ABLIM1: variants seen among roughly 807,000 people sequenced by gnomAD.
ABLIM1 encodes actin binding LIM protein 1.
A neutral mutation model predicts 107.0 loss-of-function variants in ABLIM1; 40 were observed. The observed-to-expected ratio is 0.37, with a 90% CI of 0.29 to 0.49. The LOEUF (loss-of-function observed/expected upper bound fraction) is 0.49, where lower values mean the gene tolerates loss of function less well. Among genes scored for constraint, ABLIM1 ranks in the 20% least tolerant of loss-of-function variants. The pLI, the probability that ABLIM1 is intolerant of heterozygous loss-of-function variation, is 0.97. For missense variants in ABLIM1, 857 were observed against 1,008.5 expected (o/e 0.85, Z 2.04); for synonymous variants, 357 against 357.3 (o/e 1.00, Z 0.01).
chr10:114,634,365 C>A (rs2078370184), intron 1 of ABLIM1, among the ~76,000 whole-genome samples: 2 of 151,356 alleles, frequency 1.3e-5, no homozygotes, highest in Non-Finnish European at 1.5e-5. Context: ...ATCTCCTGAC[C>A]TCGTGATCCG....
intron 8 of ABLIM1, among the ~76,000 whole-genome samples, chr10:114,486,893 T>C (rs539029385): frequency 1.6e-4 from 24 of 152,166 alleles, no homozygotes; most frequent in Middle Eastern, 3.4e-3. Context: ...AGGAAAAATA[T>C]CTCCTGTGCA....
upstream of ABLIM1, among the ~76,000 whole-genome samples, chr10:114,689,408 C>A (rs1022262032): frequency 6.9e-6 from 1 of 145,110 alleles, no homozygotes; most frequent in Non-Finnish European, 1.5e-5. Context: ...GTTGCCCAGG[C>A]TGGAGTGCAG....
At chr10:114,678,803 T>C (rs939818118) in intron 1 of ABLIM1, among the ~76,000 whole-genome samples, 5 of 152,196 alleles carry the variant, frequency 3.3e-5, no homozygotes, top group African/African-American at 9.6e-5. Flanking sequence ...TAGGGTTAGA[T>C]TGTCTTTTTA....
the ABLIM1 span, among the ~76,000 whole-genome samples, chr10:114,781,637 CGT>C: frequency 9.7e-4 from 131 of 135,258 alleles, no homozygotes; most frequent in South Asian, 0.011. Flanking sequence ...TATATATGCA[CGT>C]GTGTGTGTGT....
intron 15 of ABLIM1, 111 bp downstream of exon 15, chr10:114,447,769 T>C (rs2061241351): frequency 1.4e-6 from 2 of 1,468,482 alleles, no homozygotes; most frequent in East Asian, 4.6e-5. Context: ...TTGGTCATAC[T>C]TTTCTTTAAA....
chr10:114,616,941 G>A (rs1488215420), intron 1 of ABLIM1, among the ~76,000 whole-genome samples: 2 of 152,214 alleles, frequency 1.3e-5, no homozygotes, highest in East Asian at 1.9e-4. Flanking sequence ...GGCAACAGGA[G>A]GTTAAGGGAC....
At chr10:114,750,016 TAAATA>T (rs560382987) in intron 1 of ABLIM1, among the ~76,000 whole-genome samples, 329 of 152,274 alleles carry the variant, frequency 2.2e-3, no homozygotes, top group African/African-American at 7.3e-3. Context: ...AACTGTTACA[TAAATA>T]AAATAAAGTA....
At chr10:114,782,381 A>C in the ABLIM1 span, among the ~76,000 whole-genome samples, 1 of 152,156 alleles carries the variant, frequency 6.6e-6, no homozygotes, top group Non-Finnish European at 1.5e-5. Context: ...TGGGTAATTA[A>C]GGGAACACAA....
chr10:114,599,926 A>G (rs928306789), intron 2 of ABLIM1, among the ~76,000 whole-genome samples: 1 of 152,188 alleles, frequency 6.6e-6, no homozygotes. Flanking sequence ...ATGAGAAAAA[A>G]TAAAAATACA....
chr10:114,665,876 C>T (rs1174136039), intron 1 of ABLIM1, among the ~76,000 whole-genome samples: 1 of 152,172 alleles, frequency 6.6e-6, no homozygotes, highest in Admixed American at 6.5e-5. Flanking sequence ...TTGTAAAGAA[C>T]CTAAGCTTCC....
rs188543376 is a variant in ABLIM1 at position 114,529,500 on chromosome 10, G to T, written c.894+15505C>A. On this transcript the variant is annotated intron_variant, in intron 6 of 22. Transcript: ENST00000533213. ...ATTTTATTTATTTAAGCATCTCTAT[G>T]TCTTCTGGGATGGGGTCAAAGAGGA... is the stretch of plus-strand genomic sequence containing the variant. 1.9e-3 allele frequency among the ~76,000 whole-genome samples: 283 copies of T among 152,236 alleles called. 2 individuals carry two copies. The highest frequency in any genetic ancestry group is 6.6e-3 in the African/African-American group (273 of 41,554).
At chr10:114,575,637 C>G (rs1332984384) in intron 2 of ABLIM1, 38 bp from the exon 3 acceptor site, 2 of 1,590,550 alleles carry the variant, frequency 1.3e-6, no homozygotes, top group Non-Finnish European at 1.7e-6. Context: ...CATTATCTGC[C>G]ACACTGCCGG....
At chr10:114,617,322 C>T (rs1029670922) in intron 1 of ABLIM1, among the ~76,000 whole-genome samples, 9 of 140,562 alleles carry the variant, frequency 6.4e-5, no homozygotes, top group South Asian at 4.4e-4. Context: ...AGTGCAATGG[C>T]GCGATCTTGG....
chr10:114,755,565 C>T (rs186690833), intron 1 of ABLIM1, among the ~76,000 whole-genome samples: 3 of 152,322 alleles, frequency 2.0e-5, no homozygotes, highest in Admixed American at 6.5e-5. Flanking sequence ...AAAAGCTCTA[C>T]GCGTTTGTGG....
intron 3 of ABLIM1, among the ~76,000 whole-genome samples, chr10:114,572,495 C>A (rs990081258): frequency 2.0e-5 from 3 of 152,056 alleles, no homozygotes; most frequent in African/African-American, 7.2e-5. Flanking sequence ...ATTCTTACAC[C>A]CTTACATTTT....
At chr10:114,763,441 G>T (rs1341334550) in intron 1 of ABLIM1, among the ~76,000 whole-genome samples, 1 of 151,746 alleles carries the variant, frequency 6.6e-6, no homozygotes, top group Non-Finnish European at 1.5e-5. Flanking sequence ...AGGCTGGAGT[G>T]CAGTGACATG....
rs566815031 is a variant in ABLIM1 at position 114,541,578 on chromosome 10, C to T, written c.894+3427G>A. On this transcript the variant is annotated intron_variant, in intron 6 of 22. Coordinates refer to ENST00000533213, the MANE Select transcript of ABLIM1 (RefSeq NM_002313.7). ...ACGTCAGTGTGATAACCCTGCAGGA[C>T]GTTTTTCTAGCTCACACGCCCATCT... is the stretch of plus-strand genomic sequence containing the variant. Among the ~76,000 whole-genome samples, 10 of 152,252 alleles carry T rather than the reference C, an allele frequency of 6.6e-5. 1 individual carries two copies. In the East Asian group the frequency reaches 9.7e-4, roughly 15 times the overall value.
rs532825124 is a variant in ABLIM1, at chr10:114,680,189, G to A, written c.64+4101C>T. On this transcript the variant is annotated intron_variant, in intron 1 of 23. Transcript: ENST00000369256. ...AATTATATAACCCATTCATTATTAC[G>A]CGGGAGGCACTGTGCCATGAGTCTT... 1.4e-4 allele frequency among the ~76,000 whole-genome samples: 22 copies of A among 152,160 alleles called. No individual in the cohort carries two copies. In the East Asian group the frequency reaches 3.3e-3, roughly 23 times the overall value.
intron 22 of ABLIM1, 119 bp downstream of exon 22, chr10:114,437,725 A>G: frequency 1.2e-6 from 1 of 814,800 alleles, no homozygotes; most frequent in East Asian, 2.5e-5. Flanking sequence ...CTATGACATG[A>G]GGGTGATCTT....
Sources: allele counts gnomAD v4.1 joint callset (sites outside exome capture counted in the v4.1 genomes callset), GRCh38; gene constraint gnomAD v4.1.1; transcripts MANE v1.5; gene names NCBI Gene and HGNC (gene_info 2026-07-23, HGNC 2026-07-21).